Variants in PCSK2 observed in about 807,000 individuals in gnomAD.
The protein encoded by PCSK2 is proprotein convertase subtilisin/kexin type 2.
Under a neutral mutation model 69.7 loss-of-function variants are expected in PCSK2, and 14 were observed. The observed-to-expected ratio is 0.20, with a 90% CI of 0.13 to 0.31. PCSK2 has a LOEUF of 0.31. Ranked by LOEUF, PCSK2 falls within the 10% of genes least tolerant of loss-of-function variation. The pLI is 1.00. For synonymous variants in PCSK2, 307 were observed against 320.7 expected, an observed-to-expected ratio of 0.96 and a Z score of 0.46; for missense variants, 544 against 842.5, an observed-to-expected ratio of 0.65 and a Z score of 4.39.
At chr20:17,263,012 G>A (rs1346579852) in intron 2 of PCSK2, 3 of 227,802 alleles carry the variant, frequency 1.3e-5, no homozygotes, top group Non-Finnish European at 2.2e-5. Context: ...CAGGCTTGTG[G>A]TAAGGAACAC....
At chr20:17,467,908 T>G (rs1178615178) in intron 11 of PCSK2, among the ~76,000 whole-genome samples, 3 of 152,126 alleles carry the variant, frequency 2.0e-5, no homozygotes, top group African/African-American at 7.2e-5. Flanking sequence ...TCTCCTAGAG[T>G]TTTTGGTGAA....
At chr20:17,311,790 C>T (rs1052136946) in intron 2 of PCSK2, among the ~76,000 whole-genome samples, 3 of 152,170 alleles carry the variant, frequency 2.0e-5, no homozygotes, top group Admixed American at 6.5e-5. Context: ...AGACATCAAA[C>T]AATGGCTGCA....
chr20:17,245,096 T>C (rs2122962236), intron 1 of PCSK2, among the ~76,000 whole-genome samples: 1 of 152,214 alleles, frequency 6.6e-6, no homozygotes, highest in Middle Eastern at 3.4e-3. Flanking sequence ...TTATCCCAAA[T>C]AGAGACAGTT....
chr20:17,479,313 ATGT>A, intron 11 of PCSK2: 1 of 817,398 alleles, frequency 1.2e-6, no homozygotes, highest in Non-Finnish European at 2.2e-6. Flanking sequence ...CCACTGGTTG[ATGT>A]TGTTGTAATT....
At chr20:17,434,190 GC>G (rs2032436371) in intron 7 of PCSK2, among the ~76,000 whole-genome samples, 1 of 141,542 alleles carries the variant, frequency 7.1e-6, no homozygotes, top group Admixed American at 7.0e-5. Context: ...CTCTATCTAC[GC>G]TCTCTCTCTC....
chr20:17,349,172 C>T (rs2029898743), intron 2 of PCSK2, among the ~76,000 whole-genome samples: 1 of 152,192 alleles, frequency 6.6e-6, no homozygotes, highest in Admixed American at 6.5e-5. Context: ...GGCTCCACAG[C>T]TTGCTGGAGA....
chr20:17,272,375 AAT>A (rs1283028286), intron 2 of PCSK2, among the ~76,000 whole-genome samples: 4 of 152,160 alleles, frequency 2.6e-5, no homozygotes, highest in Non-Finnish European at 5.9e-5. Context: ...CACATTGATT[AAT>A]AGTGAACCTA....
chr20:17,471,940 T>C (rs2033209230), intron 11 of PCSK2, among the ~76,000 whole-genome samples: 1 of 152,206 alleles, frequency 6.6e-6, no homozygotes, highest in African/African-American at 2.4e-5. Context: ...TGAGTGGTGA[T>C]TGTCAGGTTT....
At chr20:17,334,018 C>A (rs1301482341) in intron 2 of PCSK2, among the ~76,000 whole-genome samples, 1 of 149,688 alleles carries the variant, frequency 6.7e-6, no homozygotes, top group African/African-American at 2.5e-5. Flanking sequence ...CACTTCACAC[C>A]TGAAGAAGCA....
At chr20:17,287,056 C>A (rs903301369) in intron 2 of PCSK2, among the ~76,000 whole-genome samples, 2 of 152,114 alleles carry the variant, frequency 1.3e-5, no homozygotes, top group Non-Finnish European at 2.9e-5. Context: ...CTTAAGCGGA[C>A]CATAGTCTTT....
At position 17,322,731 on chromosome 20, in the gene PCSK2, G is replaced by A. The variant is rs371111640; in HGVS notation, c.283-35596G>A. 4.6e-5 allele frequency among the ~76,000 whole-genome samples: 7 copies of A among 152,276 alleles called. No homozygotes were observed. The East Asian group carries it at 9.7e-4, about 21-fold the overall frequency. ...GGGAAGGAACACTGTGTCCTCACAT[G>A]GTAGAAGTGATGGAAGGACAAGAAA... is the stretch of plus-strand genomic sequence containing the variant. On this transcript the variant is annotated intron_variant, in intron 2 of 11. Transcript: ENST00000262545.
intron 5 of PCSK2, among the ~76,000 whole-genome samples, chr20:17,380,893 T>G (rs950224754): frequency 1.3e-5 from 2 of 152,188 alleles, no homozygotes; most frequent in Admixed American, 1.3e-4. Context: ...TTATTCTAAG[T>G]TTTCTTTCCA....
chr20:17,415,868 C>T (rs2031987885), intron 6 of PCSK2, among the ~76,000 whole-genome samples: 1 of 152,114 alleles, frequency 6.6e-6, no homozygotes, highest in Non-Finnish European at 1.5e-5. Context: ...AGAAATAACA[C>T]CACACATCTA....
In PCSK2 at chr20:17,445,482, G is replaced by A. The variant is rs191533500; in HGVS notation, c.886-8260G>A. 1.2e-3 allele frequency among the ~76,000 whole-genome samples: 186 copies of A among 152,366 alleles called. 1 individual carries two copies. Among genetic ancestry groups the A allele is most frequent in the African/African-American group, 4.0e-3 (168 of 41,588 alleles). On this transcript the variant is annotated intron_variant, in intron 8 of 11. Coordinates refer to ENST00000262545, the MANE Select transcript of PCSK2 (RefSeq NM_002594.5). The stretch of plus-strand genomic sequence containing the variant: ...AGCGCATTGATTGTTTACTCCCTAA[G>A]GGGCTGCAAAGGGCAAAGCACAGAA...
intron 2 of PCSK2, among the ~76,000 whole-genome samples, chr20:17,286,130 T>C (rs1030017130): frequency 6.6e-6 from 1 of 152,240 alleles, no homozygotes. Context: ...CTGTCATTAC[T>C]GGATTGTTCT....
At chr20:17,306,793 G>A (rs899869966) in intron 2 of PCSK2, among the ~76,000 whole-genome samples, 11 of 152,096 alleles carry the variant, frequency 7.2e-5, no homozygotes, top group African/African-American at 1.9e-4. Flanking sequence ...AAACTCTTTC[G>A]GCCTTGGTAA....
chr20:17,301,823 C>T (rs901049941), intron 2 of PCSK2, among the ~76,000 whole-genome samples: 3 of 152,004 alleles, frequency 2.0e-5, no homozygotes, highest in Non-Finnish European at 2.9e-5. Context: ...CCCAGCTTCT[C>T]AGGAGGCTGA....
chr20:17,411,945 T>C (rs2031884930), intron 6 of PCSK2, among the ~76,000 whole-genome samples: 1 of 152,132 alleles, frequency 6.6e-6, no homozygotes, highest in South Asian at 2.1e-4. Flanking sequence ...GACCTGACTG[T>C]TAGAAGGAAA....
intron 9 of PCSK2, among the ~76,000 whole-genome samples, chr20:17,454,987 A>G (rs1355538675): frequency 6.6e-6 from 1 of 152,114 alleles, no homozygotes; most frequent in African/African-American, 2.4e-5. Flanking sequence ...GGGAGGATGA[A>G]GAATGTGCCA....
Sources: allele counts gnomAD v4.1 joint callset (sites outside exome capture counted in the v4.1 genomes callset), GRCh38; gene constraint gnomAD v4.1.1; transcripts MANE v1.5; gene names NCBI Gene and HGNC (gene_info 2026-07-23, HGNC 2026-07-21).